The following NDUFAF6 variants were observed in gnomAD, a reference collection of about 807,000 sequenced individuals.
NDUFAF6 encodes NADH dehydrogenase (ubiquinone) complex I, assembly factor 6.
A neutral mutation model predicts 40.8 loss-of-function variants in NDUFAF6; 45 were observed. That is an observed-to-expected ratio of 1.10 (90% CI 0.87 to 1.42). The LOEUF is 1.42. NDUFAF6 is among the 40% of genes most tolerant of loss of function. The pLI is 0.00. For missense variants in NDUFAF6, 435 were observed against 418.5 expected, an observed-to-expected ratio of 1.04 and a Z score of -0.34; for synonymous variants, 185 against 155.9, an observed-to-expected ratio of 1.19 and a Z score of -1.39.
chr8:94,930,398 C>G, intron 1 of NDUFAF6: 1 of 1,551,522 alleles, frequency 6.4e-7, no homozygotes, highest in South Asian at 1.2e-5. Flanking sequence ...TGTAAAGAGA[C>G]AACATTTTCA....
chr8:94,991,488 G>C (rs1384542324), intron 2 of NDUFAF6, among the ~76,000 whole-genome samples: 2 of 152,084 alleles, frequency 1.3e-5, no homozygotes, highest in Admixed American at 1.3e-4. Flanking sequence ...ATTTTCATCT[G>C]TAAAATGGGG....
At chr8:95,013,654 C>T (rs1207110716) in intron 2 of NDUFAF6, among the ~76,000 whole-genome samples, 3 of 152,098 alleles carry the variant, frequency 2.0e-5, no homozygotes, top group Non-Finnish European at 4.4e-5. Flanking sequence ...TCCATATGTT[C>T]GTGGAACTTA....
At chr8:94,947,285 A>T (rs1438443386) in intron 2 of NDUFAF6, among the ~76,000 whole-genome samples, 15 of 8,442 alleles carry the variant, frequency 1.8e-3, no homozygotes, top group East Asian at 0.029. Flanking sequence ...AAAAAATATT[A>T]AAAAAAAAAA....
intron 4 of NDUFAF6, among the ~76,000 whole-genome samples, chr8:95,043,840 G>T (rs913758902): frequency 6.6e-6 from 1 of 152,104 alleles, no homozygotes. Context: ...CTTTTTCTTC[G>T]AAGAGATAAA....
At chr8:95,036,447 C>A (rs1829513546) in intron 3 of NDUFAF6, 1 of 1,289,296 alleles carries the variant, frequency 7.8e-7, no homozygotes, top group Admixed American at 2.3e-5. Context: ...AGATGGAAAG[C>A]CAGAACCCCC....
intron 1 of NDUFAF6, among the ~76,000 whole-genome samples, chr8:94,908,152 A>AATT (rs1818513552): frequency 1.3e-5 from 2 of 152,168 alleles, no homozygotes; most frequent in South Asian, 4.1e-4. Flanking sequence ...AAAAGCTCTC[A>AATT]ATTACACCAT....
At chr8:94,909,431 C>T (rs563486610) in intron 1 of NDUFAF6, among the ~76,000 whole-genome samples, 8 of 146,774 alleles carry the variant, frequency 5.5e-5, no homozygotes, top group African/African-American at 2.0e-4. Context: ...TCAAGACCAG[C>T]CTGGTCAACA....
At chr8:94,985,056 C>T (rs1205506056) in intron 2 of NDUFAF6, among the ~76,000 whole-genome samples, 3 of 152,098 alleles carry the variant, frequency 2.0e-5, no homozygotes, top group Non-Finnish European at 2.9e-5. Flanking sequence ...GCCTCCTTTG[C>T]AGCTAGGGGA....
intron 9 of NDUFAF6, among the ~76,000 whole-genome samples, chr8:95,066,534 C>T (rs28395411): frequency 0.034 from 5,174 of 152,160 alleles, 326 homozygotes; most frequent in African/African-American, 0.12. Flanking sequence ...TTTCATAAAT[C>T]TAGGTTTTTT....
chr8:95,097,280 T>A (rs368392100), upstream of NDUFAF6, among the ~76,000 whole-genome samples: 32 of 152,300 alleles, frequency 2.1e-4, no homozygotes, highest in Middle Eastern at 0.017. Context: ...AACAAAAAAA[T>A]AAACTAAGAC....
At chr8:95,113,553 C>G (rs1810054587) in intron 4 of NDUFAF6, among the ~76,000 whole-genome samples, 1 of 152,186 alleles carries the variant, frequency 6.6e-6, no homozygotes, top group South Asian at 2.1e-4. Context: ...ATTTCTTAAG[C>G]CCTGAGGCTT....
intron 1 of NDUFAF6, among the ~76,000 whole-genome samples, chr8:94,977,140 G>GAAA (rs999161388): frequency 1.5e-5 from 1 of 66,898 alleles, no homozygotes; most frequent in Non-Finnish European, 2.9e-5. Context: ...CCCTGACTCA[G>GAAA]AAAAAAAAAA....
At chr8:95,005,347 G>A (rs1335843267) in intron 2 of NDUFAF6, among the ~76,000 whole-genome samples, 2 of 151,746 alleles carry the variant, frequency 1.3e-5, no homozygotes, top group African/African-American at 2.4e-5. Flanking sequence ...CAGGACACAA[G>A]CCATTGGTTA....
chr8:95,046,032 ATTTAT>A lies in NDUFAF6; in HGVS notation c.580+413_580+417del, dbSNP rs546325431. Among the ~76,000 whole-genome samples, 161 of 147,810 alleles carry A rather than the reference ATTTAT, an allele frequency of 1.1e-3. 2 individuals are homozygous for A. Among genetic ancestry groups the A allele is most frequent in the Middle Eastern group, 7.0e-3 (2 of 286 alleles). ...AAGAAAAGTAGAAGAAGTAAAACAC[ATTTAT>A]TTTATTTTATTTTATTTTATTTTAT... On this transcript the variant is annotated intron_variant, in intron 5 of 8. Coordinates refer to ENST00000396124, the MANE Select transcript of NDUFAF6 (RefSeq NM_152416.4).
chr8:95,062,760 T>C (rs1587214724), downstream of NDUFAF6, among the ~76,000 whole-genome samples: 1 of 152,228 alleles, frequency 6.6e-6, no homozygotes, highest in East Asian at 1.9e-4. Flanking sequence ...TTAGCCATAT[T>C]ACTTGAGTGT....
chr8:94,972,493 C>T (rs1824549546), intron 1 of NDUFAF6, among the ~76,000 whole-genome samples: 1 of 152,172 alleles, frequency 6.6e-6, no homozygotes, highest in African/African-American at 2.4e-5. Flanking sequence ...CCCGCCTCAA[C>T]CTCCCAAAGT....
chr8:95,003,935 C>A (rs762720324), intron 2 of NDUFAF6, among the ~76,000 whole-genome samples: 3 of 152,196 alleles, frequency 2.0e-5, no homozygotes, highest in Non-Finnish European at 2.9e-5. Flanking sequence ...CAAGCTGTAA[C>A]CTCCAGAAAG....
intron 2 of NDUFAF6, among the ~76,000 whole-genome samples, chr8:94,987,853 G>A (rs1647705346): frequency 6.6e-6 from 1 of 152,122 alleles, no homozygotes; most frequent in Admixed American, 6.5e-5. Context: ...GGCTTACTAG[G>A]CTGGTGTTTA....
At chr8:94,990,587 T>C (rs894842591) in intron 2 of NDUFAF6, among the ~76,000 whole-genome samples, 3 of 152,186 alleles carry the variant, frequency 2.0e-5, no homozygotes, top group African/African-American at 7.2e-5. Flanking sequence ...CACTCATGTC[T>C]TGTGTGTGAG....
Sources: gnomAD v4.1 joint callset for allele counts (sites outside exome capture counted in the v4.1 genomes callset) on GRCh38, gnomAD v4.1.1 for gene constraint, MANE v1.5 for transcripts, NCBI Gene and HGNC (gene_info 2026-07-23, HGNC 2026-07-21) for gene names.